Variants in PRMT8 observed in about 807,000 individuals in gnomAD.
PRMT8 encodes the protein protein arginine N-methyltransferase 8.
PRMT8 carries 7 observed loss-of-function variants against 47.1 expected under a neutral mutation model. The observed-to-expected ratio is 0.15, with a 90% CI of 0.08 to 0.28. The LOEUF is 0.28. Ranked by LOEUF, PRMT8 falls within the 10% of genes least tolerant of loss-of-function variation. The pLI, the probability that PRMT8 is intolerant of heterozygous loss-of-function variation, is 1.00. For missense variants in PRMT8, 237 were observed against 505.4 expected (o/e 0.47, Z 5.09); for synonymous variants, 188 against 186.5 (o/e 1.01, Z -0.07).
chr12:3,440,464 C>CAAACAAAACA (rs58748503), intron 1 of PRMT8, among the ~76,000 whole-genome samples: 3,490 of 148,382 alleles, frequency 0.024, 59 homozygotes, highest in Non-Finnish European at 0.034. Context: ...TCCGTCAAAA[C>CAAACAAAACA]AAACAAAACA....
intron 1 of PRMT8, among the ~76,000 whole-genome samples, chr12:3,432,873 G>A (rs1864697704): frequency 6.6e-6 from 1 of 152,226 alleles, no homozygotes; most frequent in Admixed American, 6.5e-5. Context: ...ATTAAAAATA[G>A]AGCAGGAACA....
At position 3,455,245 on chromosome 12, in the gene PRMT8, C is replaced by T. The variant is rs114646555; in HGVS notation, c.48+73803C>T. On this transcript the variant is annotated intron_variant, in intron 1 of 9. Coordinates refer to the PRMT8 transcript ENST00000452611. ...GGTCTGCTCCTGTGCAGTGGGCATACGAACCTGTTGGTCCTATAACACCAG... is the reference window on the plus strand; with the variant it reads ...GGTCTGCTCCTGTGCAGTGGGCATATGAACCTGTTGGTCCTATAACACCAG... Among the ~76,000 whole-genome samples the T allele has an allele frequency of 1.4e-3, 209 of 152,330 alleles. 3 individuals carry two copies. Among genetic ancestry groups the T allele is most frequent in the African/African-American group, 4.7e-3 (197 of 41,556 alleles).
intron 1 of PRMT8, among the ~76,000 whole-genome samples, chr12:3,437,698 G>T (rs901375022): frequency 1.3e-5 from 2 of 151,368 alleles, no homozygotes; most frequent in African/African-American, 4.9e-5. Context: ...TAACACGGGG[G>T]CTTTTGGTGT....
intron 1 of PRMT8, among the ~76,000 whole-genome samples, chr12:3,415,081 A>G (rs1332946200): frequency 6.6e-6 from 1 of 152,026 alleles, no homozygotes; most frequent in African/African-American, 2.4e-5. Context: ...CACCGGCTAT[A>G]CATTGGGGTT....
Position 3,593,107 on chromosome 12 carries a change from C to T in PRMT8, c.1110C>T (p.Leu370=), listed in dbSNP as rs138690469. 9.7e-5 allele frequency: 156 copies of T among 1,614,000 alleles called. No individual in the cohort carries two copies. In the African/African-American group the frequency reaches 2.0e-3, roughly 20 times the overall value. The change falls in exon 10 of 10, where the codon CTC becomes CTT. Residue 370 remains leucine, a synonymous_variant. Coordinates refer to ENST00000382622, the MANE Select transcript of PRMT8 (RefSeq NM_019854.5). This position sits in a 1 kb window ranked among gnomAD's most constrained non-coding sequence, Gnocchi z 4.8. ...CTCTCTCTGCCTTGCAGCGAGACCT[C>T]GATTTCACAGTAGACTTGGATTTTA... is the stretch of plus-strand genomic sequence containing the variant. ...MKPNAKNVRD[L]DFTVDLDFKG... is the part of the protein sequence containing the mutation.
At chr12:3,429,563 GC>G (rs1379274958) in intron 1 of PRMT8, among the ~76,000 whole-genome samples, 1 of 152,130 alleles carries the variant, frequency 6.6e-6, no homozygotes, top group Admixed American at 6.5e-5. Flanking sequence ...AGAAATCCAA[GC>G]CAGGTCAAAA....
intron 7 of PRMT8, among the ~76,000 whole-genome samples, chr12:3,581,876 A>G (rs1434885471): frequency 2.0e-5 from 3 of 152,160 alleles, no homozygotes; most frequent in African/African-American, 7.2e-5. Flanking sequence ...AGGCCCCAGG[A>G]TAGTTTGCGT....
chr12:3,421,569 C>T (rs1454464841), intron 1 of PRMT8, among the ~76,000 whole-genome samples: 1 of 152,142 alleles, frequency 6.6e-6, no homozygotes, highest in African/African-American at 2.4e-5. Context: ...GTTTTCATAT[C>T]CCATTACCCA....
At chr12:3,393,053 G>A (rs1226534162) in intron 1 of PRMT8, among the ~76,000 whole-genome samples, 7 of 152,084 alleles carry the variant, frequency 4.6e-5, no homozygotes, top group Non-Finnish European at 1.0e-4. Flanking sequence ...ACTTTTTGAT[G>A]GGGTTGTTTG....
At chr12:3,579,455 G>A (rs1197672703) in intron 7 of PRMT8, among the ~76,000 whole-genome samples, 1 of 152,130 alleles carries the variant, frequency 6.6e-6, no homozygotes, top group Non-Finnish European at 1.5e-5. Context: ...GCCAAGGAGC[G>A]GCTGGAGGGG....
intron 1 of PRMT8, among the ~76,000 whole-genome samples, chr12:3,421,548 T>C (rs903508659): frequency 2.0e-5 from 3 of 152,132 alleles, no homozygotes; most frequent in African/African-American, 4.8e-5. Flanking sequence ...GGGCCACATA[T>C]AAAAGACACG....
chr12:3,478,957 C>T (rs12227038), intron 1 of PRMT8, among the ~76,000 whole-genome samples: 28,938 of 152,140 alleles, frequency 0.19, 3,408 homozygotes, highest in Non-Finnish European at 0.26. Context: ...GGAGGCTGTA[C>T]GTGCTGCTGT....
chr12:3,414,783 G>A (rs1278747065), intron 1 of PRMT8, among the ~76,000 whole-genome samples: 1 of 152,066 alleles, frequency 6.6e-6, no homozygotes, highest in Admixed American at 6.6e-5. Context: ...TGCACCATCC[G>A]AAGTTAGGTG....
rs143803897 is a variant in PRMT8 at position 3,453,283 on chromosome 12, T to TAA, written c.48+71842_48+71843dup. ...AGTCCTGGCTCCCTTTACACAGGCCTAATATGACCAAACAGCACCCTTAGG... is the reference window on the plus strand; with the variant it reads ...AGTCCTGGCTCCCTTTACACAGGCCTAAAATATGACCAAACAGCACCCTTAGG... On this transcript the variant is annotated intron_variant, in intron 1 of 9. Transcript: ENST00000452611. The surrounding 1 kb of genome is among the most constrained non-coding windows in gnomAD (Gnocchi z 4.9). Among the ~76,000 whole-genome samples, 1,772 of 152,250 alleles carry TAA rather than the reference T, an allele frequency of 0.012. 33 individuals are homozygous for TAA. The highest frequency in any genetic ancestry group is 0.04 in the African/African-American group (1,654 of 41,550).
chr12:3,593,528 G>A lies in PRMT8; in HGVS notation c.*346G>A. ...GGTCTTCTGAGTTTTGCATGCTGCG[G>A]GTGTCTAGGACAGATTGCTTCCACT... On this transcript the variant is annotated 3_prime_UTR_variant, in exon 10 of 10. Coordinates refer to ENST00000382622, the MANE Select transcript of PRMT8 (RefSeq NM_019854.5). The surrounding 1 kb of genome is among the most constrained non-coding windows in gnomAD (Gnocchi z 4.8). 3.1e-6 allele frequency: 1 copy of A among 321,952 alleles called. No homozygotes were observed. Among genetic ancestry groups the A allele is most frequent in the South Asian group, 3.1e-5 (1 of 32,196 alleles). 19.9% of individuals were successfully genotyped at this position (321,952 alleles called of 1,614,324 possible). A position where few individuals can be genotyped will look rare whatever the true frequency, so the allele number is the denominator to read the frequency against.
intron 1 of PRMT8, among the ~76,000 whole-genome samples, chr12:3,387,892 A>G (rs945851995): frequency 1.4e-4 from 21 of 152,196 alleles, no homozygotes; most frequent in Admixed American, 1.1e-3. Flanking sequence ...ACATCACTTC[A>G]GAAGAAGAGC....
At chr12:3,592,445 T>C in intron 9 of PRMT8, 93 bp downstream of exon 9, 1 of 1,405,356 alleles carries the variant, frequency 7.1e-7, no homozygotes, top group Non-Finnish European at 9.6e-7. Flanking sequence ...AAGTGTCTCA[T>C]GAACAGTCAG....
intron 6 of PRMT8, among the ~76,000 whole-genome samples, chr12:3,574,440 G>A (rs1866903637): frequency 6.6e-6 from 1 of 152,250 alleles, no homozygotes; most frequent in African/African-American, 2.4e-5. Context: ...TTTAAAAACT[G>A]TTCCAAGTGA....
intron 1 of PRMT8, among the ~76,000 whole-genome samples, chr12:3,513,963 A>G (rs1181584064): frequency 1.3e-5 from 2 of 152,332 alleles, no homozygotes; most frequent in African/African-American, 2.4e-5. Flanking sequence ...CTAGGAGCCT[A>G]TGGTGACTTA....
Sources: allele counts gnomAD v4.1 joint callset (sites outside exome capture counted in the v4.1 genomes callset), GRCh38; gene constraint gnomAD v4.1.1; non-coding constraint Gnocchi (gnomAD v3.1); transcripts MANE v1.5; gene names NCBI Gene and HGNC (gene_info 2026-07-23, HGNC 2026-07-21).